The following RUSC2 variants were observed in gnomAD, a reference collection of about 807,000 sequenced individuals.
RUSC2 encodes AP-4 complex accessory subunit RUSC2.
RUSC2 carries 34 observed loss-of-function variants against 122.2 expected under a neutral mutation model. That is an observed-to-expected ratio of 0.28 (90% CI 0.21 to 0.37). The LOEUF is 0.37. Ranked by LOEUF, RUSC2 falls within the 10% of genes least tolerant of loss-of-function variation. The pLI is 1.00. For synonymous variants in RUSC2, 784 were observed against 790.0 expected, an observed-to-expected ratio of 0.99 and a Z score of 0.13; for missense variants, 1,747 against 1,952.4, an observed-to-expected ratio of 0.89 and a Z score of 1.98.
In RUSC2 at chr9:35,557,791, G is replaced by A; in HGVS notation, c.2984-123G>A. 1.3e-6 allele frequency: 1 copy of A among 777,178 alleles called. No individual in the cohort carries two copies. Among genetic ancestry groups the A allele is most frequent in the South Asian group, 1.5e-5 (1 of 68,238 alleles). 48.1% of individuals were successfully genotyped at this position (777,178 alleles called of 1,614,324 possible). A position where few individuals can be genotyped will look rare whatever the true frequency, so the allele number is the denominator to read the frequency against. ...GCCTGAATGTTTTGATAAGACCCATGTGCAGATGTGGAGACGGAGTAAGTG... is the reference window on the plus strand; with the variant it reads ...GCCTGAATGTTTTGATAAGACCCATATGCAGATGTGGAGACGGAGTAAGTG... On this transcript the variant is annotated intron_variant, in intron 5 of 11. Transcript: ENST00000361226. The surrounding 1 kb of genome is among the most constrained non-coding windows in gnomAD (Gnocchi z 4.6).
Position 35,527,467 on chromosome 9 carries a change from G to A in RUSC2, c.-92-18963G>A, listed in dbSNP as rs1173898814. On this transcript the variant is annotated intron_variant, in intron 1 of 11. Transcript: ENST00000361226. Reference sequence around the variant, plus strand: ...GGTGTAAGTCACTGCACCTGGCTGAGTTTTTATTTTAATAATTATGTTTCT... The same window carrying A: ...GGTGTAAGTCACTGCACCTGGCTGAATTTTTATTTTAATAATTATGTTTCT... Among the ~76,000 whole-genome samples, 4 of 152,144 alleles carry A rather than the reference G, an allele frequency of 2.6e-5. No homozygotes were observed. In the South Asian group the frequency reaches 8.3e-4, roughly 32 times the overall value.
intron 1 of RUSC2, chr9:35,539,039 G>A (rs896853724): frequency 2.0e-5 from 3 of 152,298 alleles, no homozygotes; most frequent in Non-Finnish European, 4.4e-5. Context: ...TGGAACTGTC[G>A]CGGTAGAGCT....
chr9:35,514,826 T>C (rs745914974), intron 1 of RUSC2, among the ~76,000 whole-genome samples: 1 of 152,188 alleles, frequency 6.6e-6, no homozygotes, highest in Non-Finnish European at 1.5e-5. Flanking sequence ...TGACCTACTA[T>C]AGTTCTAGTC....
rs117071391 is a variant in RUSC2, at chr9:35,503,300, C to T, written c.-93+13128C>T. 9.1e-4 allele frequency among the ~76,000 whole-genome samples: 138 copies of T among 152,250 alleles called. 2 individuals carry two copies. The highest frequency in any genetic ancestry group is 5.1e-3 in the Admixed American group (78 of 15,272). Reference sequence around the variant, plus strand: ...CTCTAGTCCCCAAAGTCTATTATATCATTCTTACGCCTTTGAATCTTCATA... The same window carrying T: ...CTCTAGTCCCCAAAGTCTATTATATTATTCTTACGCCTTTGAATCTTCATA... On this transcript the variant is annotated intron_variant, in intron 1 of 11. Coordinates refer to ENST00000361226, the MANE Select transcript of RUSC2 (RefSeq NM_014806.5).
In RUSC2 at chr9:35,547,895, A is replaced by G. The variant is rs1232047804; in HGVS notation, c.1374A>G (p.Gln458=). Residue 458 remains glutamine (Q), a synonymous_variant, in exon 2 of 12, where the codon CAA becomes CAG. Transcript: ENST00000361226. The surrounding 1 kb of genome is among the most constrained non-coding windows in gnomAD (Gnocchi z 4.6). ...AGCCAGAAGTCCAGCCAGAGGAACAAGAAGCAGTGAGTTCCTCCACCCAAG... is the reference window on the plus strand; with the variant it reads ...AGCCAGAAGTCCAGCCAGAGGAACAGGAAGCAGTGAGTTCCTCCACCCAAG... The part of the protein sequence containing the change: ...FQKPEVQPEE[Q]EAVSSSTQAA... 4 of 1,614,190 alleles carry G rather than the reference A, an allele frequency of 2.5e-6. No homozygotes were observed. The highest frequency in any genetic ancestry group is 2.5e-6 in the Non-Finnish European group (3 of 1,180,036).
At chr9:35,550,745 C>T (rs985992459) in intron 2 of RUSC2, among the ~76,000 whole-genome samples, 2 of 152,088 alleles carry the variant, frequency 1.3e-5, no homozygotes, top group African/African-American at 4.8e-5. Context: ...ATGAGCAGCA[C>T]CCTCAAAAGA....
At chr9:35,509,431 G>A (rs1820974570) in intron 1 of RUSC2, among the ~76,000 whole-genome samples, 1 of 152,194 alleles carries the variant, frequency 6.6e-6, no homozygotes, top group African/African-American at 2.4e-5. Context: ...AGCAATTCAA[G>A]TAGACCTGTA....
At chr9:35,512,976 T>C (rs1028449259) in intron 1 of RUSC2, among the ~76,000 whole-genome samples, 5 of 152,220 alleles carry the variant, frequency 3.3e-5, no homozygotes, top group Admixed American at 3.3e-4. Flanking sequence ...CCTCCTTGTA[T>C]AGTTTTGTCA....
In RUSC2 at chr9:35,559,261, A is replaced by C. The variant is rs200770667; in HGVS notation, c.3377A>C (p.Tyr1126Ser). Residue 1126 changes from tyrosine to serine, a missense_variant, in exon 9 of 12, where the codon TAT becomes TCT. Physicochemically the swap from Tyr to Ser is moderately radical, Grantham distance 144. Transcript: ENST00000361226. Reference sequence around the variant, plus strand: ...CTGGAGTTCTGGTTTAATCACCTCTATAACCACGAAGGTAATGCCTAGAAC... The same window carrying C: ...CTGGAGTTCTGGTTTAATCACCTCTCTAACCACGAAGGTAATGCCTAGAAC... ...RSLEFWFNHLYNHEDIIQTHY... is the reference protein window; with the variant it reads ...RSLEFWFNHLSNHEDIIQTHY... The C allele has an allele frequency of 2.8e-5, 45 of 1,613,206 alleles. No individual in the cohort carries two copies. The highest frequency in any genetic ancestry group is 2.7e-4 in the Admixed American group (16 of 60,008).
intron 1 of RUSC2, among the ~76,000 whole-genome samples, chr9:35,510,771 G>T (rs1163678685): frequency 6.6e-6 from 1 of 152,208 alleles, no homozygotes; most frequent in Non-Finnish European, 1.5e-5. Flanking sequence ...GTATTACTGG[G>T]TTGGGCTGTT....
At chr9:35,508,602 A>G (rs1329174345) in intron 1 of RUSC2, among the ~76,000 whole-genome samples, 1 of 152,224 alleles carries the variant, frequency 6.6e-6, no homozygotes, top group Non-Finnish European at 1.5e-5. Flanking sequence ...CCAAAATGGT[A>G]TACTCTTTAA....
chr9:35,555,862 G>GT lies in RUSC2; in HGVS notation c.2657-87dup. ...AGATAATATCCACAGATAATCTAGTGTTTCATATGGGCCCACTGGGTGGAT... is the reference window on the plus strand; with the variant it reads ...AGATAATATCCACAGATAATCTAGTGTTTTCATATGGGCCCACTGGGTGGAT... On this transcript the variant is annotated intron_variant, in intron 3 of 11. Transcript: ENST00000361226. This position sits in a 1 kb window ranked among gnomAD's most constrained non-coding sequence, Gnocchi z 4.6. 6.6e-7 allele frequency: 1 copy of GT among 1,506,686 alleles called. No homozygotes were observed. The highest frequency in any genetic ancestry group is 9.0e-7 in the Non-Finnish European group (1 of 1,110,418). The allele number at this position is 1,506,686 out of a possible 1,614,324, so 93.3% of individuals were successfully genotyped here.
chr9:35,529,499 T>C (rs1821381030), intron 1 of RUSC2, among the ~76,000 whole-genome samples: 1 of 150,332 alleles, frequency 6.7e-6, no homozygotes. Flanking sequence ...ATTTTTACTA[T>C]GCAAAGCACA....
In RUSC2 at chr9:35,561,878, A is replaced by G. The variant is rs1303747770; in HGVS notation, c.*496A>G. The G allele has an allele frequency of 1.4e-6, 1 of 691,888 alleles. No homozygotes were observed. The highest frequency in any genetic ancestry group is 2.2e-5 in the Admixed American group (1 of 45,104). 42.9% of individuals were successfully genotyped at this position (691,888 alleles called of 1,614,324 possible). A position where few individuals can be genotyped will look rare whatever the true frequency, so the allele number is the denominator to read the frequency against. On this transcript the variant is annotated 3_prime_UTR_variant, in exon 12 of 12. Transcript: ENST00000361226. ...TATTTATTATACCTATTAATAAAAA[A>G]GGTGCTCAGCCTCCAAACCATTTTC...
At chr9:35,503,460 T>A (rs1193624562) in intron 1 of RUSC2, among the ~76,000 whole-genome samples, 1 of 152,162 alleles carries the variant, frequency 6.6e-6, no homozygotes, top group Non-Finnish European at 1.5e-5. Context: ...TATGGCTGAG[T>A]AGTATTGCGT....
At chr9:35,551,937 G>T (rs1821907474) in intron 2 of RUSC2, among the ~76,000 whole-genome samples, 1 of 152,024 alleles carries the variant, frequency 6.6e-6, no homozygotes, top group Non-Finnish European at 1.5e-5. Flanking sequence ...GATGGCACAT[G>T]CCTGTAGTCC....
chr9:35,531,111 A>G (rs1418973674), intron 1 of RUSC2, among the ~76,000 whole-genome samples: 1 of 152,082 alleles, frequency 6.6e-6, no homozygotes, highest in Non-Finnish European at 1.5e-5. Flanking sequence ...ATACAAAAAA[A>G]TTAGCCGGGC....
At chr9:35,513,404 A>G (rs1421104255) in intron 1 of RUSC2, among the ~76,000 whole-genome samples, 1 of 151,872 alleles carries the variant, frequency 6.6e-6, no homozygotes, top group Non-Finnish European at 1.5e-5. Context: ...CACCATGCCA[A>G]GCTAATTTTC....
chr9:35,555,151 C>A lies in RUSC2; in HGVS notation c.2106C>A (p.His702Gln), dbSNP rs1821982196. ...LPIQPFVFQH[H>Q]FPKQLAKARA... is the part of the protein sequence containing the mutation. ...TCCAGCCCTTCGTGTTCCAGCACCACTTCCCCAAGCAGCTGGCCAAGGCCC... is the reference window on the plus strand; with the variant it reads ...TCCAGCCCTTCGTGTTCCAGCACCAATTCCCCAAGCAGCTGGCCAAGGCCC... Residue 702 changes from histidine (H) to glutamine (Q), a missense_variant, in exon 3 of 12, where the codon CAC (histidine) becomes CAA (glutamine). Physicochemically the swap from His to Gln is conservative, Grantham distance 24 (BLOSUM62 0). Transcript: ENST00000361226. The surrounding 1 kb of genome is among the most constrained non-coding windows in gnomAD (Gnocchi z 4.6). The A allele has an allele frequency of 1.2e-6, 2 of 1,613,816 alleles. No individual in the cohort carries two copies. The highest frequency in any genetic ancestry group is 3.3e-5 in the Admixed American group (2 of 60,008).
Sources: gnomAD v4.1 joint callset for allele counts (sites outside exome capture counted in the v4.1 genomes callset) on GRCh38, gnomAD v4.1.1 for gene constraint, Gnocchi (gnomAD v3.1) non-coding constraint, MANE v1.5 for transcripts, NCBI Gene and HGNC (gene_info 2026-07-23, HGNC 2026-07-21) for gene names.